The following CES1 variants were observed in gnomAD, a reference collection of about 807,000 sequenced individuals.
CES1 encodes carboxylesterase 1.
CES1 carries 50 observed loss-of-function variants against 53.0 expected under a neutral mutation model. The observed-to-expected ratio is 0.94, with a 90% CI of 0.75 to 1.19. The LOEUF is 1.19. Ranked by LOEUF, CES1 falls within the 50% of genes most tolerant of loss-of-function variation. CES1 has a pLI of 0.00. For synonymous variants in CES1, 202 were observed against 210.1 expected (o/e 0.96, Z 0.33); for missense variants, 534 against 538.0 (o/e 0.99, Z 0.07).
At chr16:55,830,799 A>AAGGAAGGG (rs1555514143) in intron 1 of CES1, among the ~76,000 whole-genome samples, 1 of 145,884 alleles carries the variant, frequency 6.9e-6, no homozygotes, top group African/African-American at 2.6e-5. Flanking sequence ...GGAAGGAAGG[A>AAGGAAGGG]AGGAAGGAAG....
intron 1 of CES1, among the ~76,000 whole-genome samples, chr16:55,830,569 A>G (rs28501359): frequency 0.054 from 8,210 of 152,074 alleles, 225 homozygotes; most frequent in Middle Eastern, 0.14. Flanking sequence ...TTGGGAGGCC[A>G]AGGCAGGCAG....
At chr16:55,829,190 C>G (rs2032545030) in intron 1 of CES1, among the ~76,000 whole-genome samples, 1 of 152,158 alleles carries the variant, frequency 6.6e-6, no homozygotes, top group South Asian at 2.1e-4. Flanking sequence ...GGCATAAAAA[C>G]ATCCAGCTAA....
At chr16:55,823,340 A>G in intron 4 of CES1, among the ~76,000 whole-genome samples, 1 of 152,220 alleles carries the variant, frequency 6.6e-6, no homozygotes, top group Non-Finnish European at 1.5e-5. Context: ...TAAGCATTCC[A>G]GGCAGAGGGA....
At chr16:55,813,569 A>T (rs2031799277) in intron 8 of CES1, among the ~76,000 whole-genome samples, 1 of 152,176 alleles carries the variant, frequency 6.6e-6, no homozygotes, top group Admixed American at 6.5e-5. Flanking sequence ...GTGTTACTTT[A>T]GCCCTTTCTA....
chr16:55,813,166 A>G, intron 8 of CES1, 123 bp from the exon 9 acceptor site: 5 of 1,353,060 alleles, frequency 3.7e-6, no homozygotes, highest in Middle Eastern at 2.0e-4. Context: ...ATGGCTGCAC[A>G]TGCTCAGGAT....
chr16:55,818,351 G>T (rs112534936), intron 7 of CES1, among the ~76,000 whole-genome samples: 3 of 152,336 alleles, frequency 2.0e-5, no homozygotes, highest in East Asian at 3.8e-4. Flanking sequence ...CTCTAGACCC[G>T]CAGGTGTCGG....
intron 9 of CES1, among the ~76,000 whole-genome samples, chr16:55,811,551 C>G (rs1422790330): frequency 6.6e-6 from 1 of 152,192 alleles, no homozygotes; most frequent in Non-Finnish European, 1.5e-5. Flanking sequence ...CACTCAGGGA[C>G]TCGACCAATC....
At chr16:55,824,905 T>C (rs1300160093) in intron 3 of CES1, among the ~76,000 whole-genome samples, 1 of 152,330 alleles carries the variant, frequency 6.6e-6, no homozygotes, top group African/African-American at 2.4e-5. Context: ...TCCTGGAGGT[T>C]CTCCTGACTC....
intron 7 of CES1, among the ~76,000 whole-genome samples, chr16:55,817,992 C>A (rs1409964716): frequency 1.3e-5 from 2 of 152,190 alleles, no homozygotes; most frequent in African/African-American, 4.8e-5. Context: ...GTTGTGTTTT[C>A]ATTCCTTGAA....
intron 1 of CES1, among the ~76,000 whole-genome samples, 177 bp from the exon 2 acceptor site, chr16:55,829,151 G>A (rs187874340): frequency 6.6e-6 from 1 of 152,226 alleles, no homozygotes; most frequent in Admixed American, 6.5e-5. Context: ...AACCCATTGA[G>A]CTGGTTTAAT....
intron 1 of CES1, among the ~76,000 whole-genome samples, chr16:55,830,663 T>C (rs113963388): frequency 1.2e-3 from 175 of 150,796 alleles, no homozygotes; most frequent in South Asian, 5.3e-3. Flanking sequence ...ATTAGCTGGG[T>C]GTGGTAGCAT....
At position 55,833,024 on chromosome 16, in the gene CES1, A is replaced by G; in HGVS notation, c.32T>C (p.Leu11Pro). 6.4e-7 allele frequency: 1 copy of G among 1,557,116 alleles called. No homozygotes were observed. Among genetic ancestry groups the G allele is most frequent in the Middle Eastern group, 1.8e-4 (1 of 5,674 alleles). MWLRAFILAT[L>P]SASAAWAGHP... is the part of the protein sequence containing the mutation. The stretch of plus-strand genomic sequence containing the variant: ...CTCACCCCAAGCCGCGGAAGCAGAG[A>G]GAGTGGCCAGGATAAAGGCACGGAG... The change falls in exon 1 of 14, where the codon CTC becomes CCC. Residue 11 changes from leucine (L) to proline (P), a missense_variant. Coordinates refer to ENST00000360526, the MANE Select transcript of CES1 (RefSeq NM_001025195.2).
chr16:55,808,619 T>C (rs560837262), intron 11 of CES1, among the ~76,000 whole-genome samples: 3 of 152,322 alleles, frequency 2.0e-5, no homozygotes, highest in East Asian at 1.9e-4. Flanking sequence ...TATTTACTTC[T>C]AAAAATAATC....
intron 11 of CES1, among the ~76,000 whole-genome samples, chr16:55,809,441 T>A (rs1219083247): frequency 7.9e-5 from 12 of 152,334 alleles, no homozygotes; most frequent in African/African-American, 2.9e-4. Flanking sequence ...AGAGGACATT[T>A]CCTAGCTTGC....
chr16:55,808,468 A>C (rs1254905141), intron 11 of CES1, among the ~76,000 whole-genome samples: 4 of 152,280 alleles, frequency 2.6e-5, no homozygotes, highest in Non-Finnish European at 1.5e-5. Context: ...AAGGCTTATG[A>C]AACTGGAAGT....
intron 1 of CES1, among the ~76,000 whole-genome samples, 162 bp downstream of exon 1, chr16:55,832,842 G>T (rs1261570234): frequency 2.0e-5 from 3 of 152,246 alleles, no homozygotes; most frequent in Non-Finnish European, 2.9e-5. Context: ...GGGCCAGGCT[G>T]GCCGGGCTCA....
rs534022640 is a variant in CES1, at chr16:55,832,026, C to T, written c.52+978G>A. Among the ~76,000 whole-genome samples, 401 of 152,278 alleles carry T rather than the reference C, an allele frequency of 2.6e-3. 1 individual carries two copies. The highest frequency in any genetic ancestry group is 0.014 in the Middle Eastern group (4 of 294). The stretch of plus-strand genomic sequence containing the variant: ...CTCCCAGGGTCCAGCCACCCCAGAG[C>T]CCACACCCCAACTGCCTCTTTGATC... On this transcript the variant is annotated intron_variant, in intron 1 of 13. Coordinates refer to ENST00000360526, the MANE Select transcript of CES1 (RefSeq NM_001025195.2).
At chr16:55,813,906 C>A (rs114986338) in intron 8 of CES1, among the ~76,000 whole-genome samples, 1 of 152,202 alleles carries the variant, frequency 6.6e-6, no homozygotes, top group Non-Finnish European at 1.5e-5. Context: ...GTTGCCTCGC[C>A]GGATCTCAGA....
In CES1 at chr16:55,820,301, C is replaced by T; in HGVS notation, c.801+71G>A. 3.1e-6 allele frequency: 3 copies of T among 959,190 alleles called. No individual in the cohort carries two copies. The South Asian group carries it at 4.3e-5, about 14-fold the overall frequency. 59.4% of individuals were successfully genotyped at this position (959,190 alleles called of 1,614,324 possible). ...CTACAACCGACCACAAGAGAGATCCCTGAGGATTCAGGAGCATAGAGCCAA... is the reference window on the plus strand; with the variant it reads ...CTACAACCGACCACAAGAGAGATCCTTGAGGATTCAGGAGCATAGAGCCAA... On this transcript the variant is annotated intron_variant, in intron 6 of 13. Transcript: ENST00000360526.
Sources: allele counts gnomAD v4.1 joint callset (sites outside exome capture counted in the v4.1 genomes callset), GRCh38; gene constraint gnomAD v4.1.1; transcripts MANE v1.5; gene names NCBI Gene and HGNC (gene_info 2026-07-23, HGNC 2026-07-21).